PDXK: variants seen among roughly 807,000 people sequenced by gnomAD.
PDXK encodes the protein epididymis secretory sperm binding protein Li 1a.
In PDXK, 15 loss-of-function variants were observed where a neutral mutation model predicts 43.2. That is an observed-to-expected ratio of 0.35 (90% CI 0.23 to 0.53). The LOEUF (loss-of-function observed/expected upper bound fraction) is 0.53, where lower values mean the gene tolerates loss of function less well. Among genes scored for constraint, PDXK ranks in the 20% least tolerant of loss-of-function variants. The probability of loss-of-function intolerance (pLI) is 0.92; values close to 1 mark genes in which losing one functional copy is unlikely to be tolerated. For missense variants in PDXK, 343 were observed against 417.0 expected (o/e 0.82, Z 1.54); for synonymous variants, 172 against 165.4 (o/e 1.04, Z -0.31).
chr21:43,731,368 T>G (rs562153874), intron 1 of PDXK, among the ~76,000 whole-genome samples: 33 of 152,324 alleles, frequency 2.2e-4, no homozygotes, highest in Middle Eastern at 3.4e-3. Context: ...GGGAGAGAGA[T>G]CTCATCACAC....
chr21:43,738,015 GTGTC>G, intron 2 of PDXK: 1 of 985,484 alleles, frequency 1.0e-6, no homozygotes, highest in Non-Finnish European at 1.2e-6. Flanking sequence ...CCTGGGGCCT[GTGTC>G]TGAGACCCGG....
rs774974280 is a variant in PDXK at position 43,756,088 on chromosome 21, C to G, written c.*25C>G. The G allele has an allele frequency of 3.0e-6, 4 of 1,338,930 alleles. No individual in the cohort carries two copies. Among genetic ancestry groups the G allele is most frequent in the East Asian group, 4.8e-5 (2 of 42,098 alleles). The allele number at this position is 1,338,930 out of a possible 1,614,324, so 82.9% of individuals were successfully genotyped here. ...AGGGCCCCGCCGCTTGCCCGTGACACGCAGCGCGTTGGTGTCTCCGTGTTT... is the reference window on the plus strand; with the variant it reads ...AGGGCCCCGCCGCTTGCCCGTGACAGGCAGCGCGTTGGTGTCTCCGTGTTT... On this transcript the variant is annotated 3_prime_UTR_variant, in exon 11 of 11. Coordinates refer to ENST00000291565, the MANE Select transcript of PDXK (RefSeq NM_003681.5).
At chr21:43,733,351 G>A (rs901879493) in intron 1 of PDXK, among the ~76,000 whole-genome samples, 1 of 150,900 alleles carries the variant, frequency 6.6e-6, no homozygotes, top group Admixed American at 6.7e-5. Flanking sequence ...GTGGGACTCA[G>A]GGGTGGTTGG....
At position 43,752,506 on chromosome 21, in the gene PDXK, T is replaced by A; in HGVS notation, c.511-12T>A. On this transcript the variant is annotated splice_polypyrimidine_tract_variant and intron_variant, in intron 7 of 10. Transcript: ENST00000291565. ...GACCGGCCGTGGCTGACGCTCCCTG[T>A]GCCACTGCTAGGTGATGGACATGCT... 1 of 1,588,060 alleles carries A rather than the reference T, an allele frequency of 6.3e-7. No individual in the cohort carries two copies. The highest frequency in any genetic ancestry group is 2.2e-5 in the East Asian group (1 of 44,736).
chr21:43,749,915 A>G (rs2083704672), intron 6 of PDXK, among the ~76,000 whole-genome samples: 1 of 152,330 alleles, frequency 6.6e-6, no homozygotes, highest in South Asian at 2.1e-4. Flanking sequence ...ATCACACACC[A>G]GGGGAAGCCA....
intron 2 of PDXK, chr21:43,736,957 C>T (rs1445053298): frequency 2.8e-6 from 2 of 701,820 alleles, no homozygotes; most frequent in Non-Finnish European, 5.2e-6. Flanking sequence ...TTTTTAGAGA[C>T]AAGGTCGGTC....
chr21:43,732,543 C>T lies in PDXK; in HGVS notation c.88-1526C>T. ...CATTCTCGGATACGTTTGCCAGCCCCAAAGGATTAATTATCTACACACCCA... is the reference window on the plus strand; with the variant it reads ...CATTCTCGGATACGTTTGCCAGCCCTAAAGGATTAATTATCTACACACCCA... On this transcript the variant is annotated intron_variant, in intron 1 of 10. Coordinates refer to ENST00000291565, the MANE Select transcript of PDXK (RefSeq NM_003681.5). The surrounding 1 kb of genome is among the most constrained non-coding windows in gnomAD (Gnocchi z 4.1). The T allele has an allele frequency of 9.2e-7, 1 of 1,090,362 alleles. No individual in the cohort carries two copies. The highest frequency in any genetic ancestry group is 1.5e-5 in the African/African-American group (1 of 64,990). 67.5% of individuals were successfully genotyped at this position (1,090,362 alleles called of 1,614,324 possible). A position where few individuals can be genotyped will look rare whatever the true frequency, so the allele number is the denominator to read the frequency against.
At chr21:43,748,932 C>A in intron 5 of PDXK, 63 bp from the exon 6 acceptor site, 1 of 1,015,304 alleles carries the variant, frequency 9.8e-7, no homozygotes, top group Non-Finnish European at 1.5e-6. Context: ...CTTCCCTCCG[C>A]GCCCCCTGGC....
At chr21:43,726,528 G>A (rs986561182) in intron 1 of PDXK, among the ~76,000 whole-genome samples, 3 of 151,914 alleles carry the variant, frequency 2.0e-5, no homozygotes, top group East Asian at 1.9e-4. Context: ...TGCCCGCCTC[G>A]GCCTTCCAAA....
At chr21:43,743,939 T>C in intron 4 of PDXK, 132 bp downstream of exon 4, 1 of 681,922 alleles carries the variant, frequency 1.5e-6, no homozygotes, top group Non-Finnish European at 2.6e-6. Context: ...TCCGGGCCAG[T>C]GAATTGTGTC....
chr21:43,756,066 G>T lies in PDXK; in HGVS notation c.*3G>T. 6.3e-7 allele frequency: 1 copy of T among 1,577,380 alleles called. No individual in the cohort carries two copies. On this transcript the variant is annotated 3_prime_UTR_variant, in exon 11 of 11. Coordinates refer to ENST00000291565, the MANE Select transcript of PDXK (RefSeq NM_003681.5). ...TCGTCCAGGCCACGGTGCTGTGAGG[G>T]CCCCGCCGCTTGCCCGTGACACGCA...
chr21:43,753,085 C>T (rs1422253427), intron 8 of PDXK, among the ~76,000 whole-genome samples: 1 of 152,188 alleles, frequency 6.6e-6, no homozygotes, highest in Non-Finnish European at 1.5e-5. Context: ...ACATGGGAGC[C>T]TTGCAGGCAC....
intron 9 of PDXK, among the ~76,000 whole-genome samples, chr21:43,755,042 G>C (rs2083822071): frequency 1.3e-5 from 2 of 152,196 alleles, no homozygotes; most frequent in South Asian, 4.1e-4. Context: ...GGTGGTGCAG[G>C]GCAGTGGAAA....
At position 43,755,934 on chromosome 21, in the gene PDXK, C is replaced by G; in HGVS notation, c.827-17C>G. 2 of 1,587,798 alleles carry G rather than the reference C, an allele frequency of 1.3e-6. No individual in the cohort carries two copies. Among genetic ancestry groups the G allele is most frequent in the Non-Finnish European group, 8.6e-7 (1 of 1,159,248 alleles). On this transcript the variant is annotated splice_polypyrimidine_tract_variant and intron_variant, in intron 10 of 10. Coordinates refer to ENST00000291565, the MANE Select transcript of PDXK (RefSeq NM_003681.5). The stretch of plus-strand genomic sequence containing the variant: ...CCCTCTGAGATGGGAACTCAGTGCT[C>G]TCTGCCTGCCCCGCAGCCCAGGCCG...
chr21:43,724,681 GA>G (rs540983811), intron 1 of PDXK, among the ~76,000 whole-genome samples: 17,814 of 134,424 alleles, frequency 0.13, 1,193 homozygotes, highest in African/African-American at 0.2. Flanking sequence ...AGCTCTACAA[GA>G]AAAAAAAAAA....
At chr21:43,731,888 C>T (rs2083323020) in intron 1 of PDXK, among the ~76,000 whole-genome samples, 1 of 152,226 alleles carries the variant, frequency 6.6e-6, no homozygotes, top group African/African-American at 2.4e-5. Context: ...ATTGGCTCCA[C>T]ACAGCTGACC....
chr21:43,724,650 T>C (rs2083236131), intron 1 of PDXK, among the ~76,000 whole-genome samples: 2 of 148,736 alleles, frequency 1.3e-5, no homozygotes, highest in African/African-American at 5.0e-5. Flanking sequence ...GAGACCACCG[T>C]GGGCAACATA....
In PDXK at chr21:43,741,734, G is replaced by T. The variant is rs370677926; in HGVS notation, c.210G>T (p.Arg70Ser). ...TCCAGGAGTTGTACGAAGGCCTGAG[G>T]CTGAACAACATGAATAAATATGACT... is the stretch of plus-strand genomic sequence containing the variant. ...DELQELYEGL[R>S]LNNMNKYDYV... The change falls in exon 3 of 11, where the codon AGG (arginine) becomes AGT (serine). Residue 70 changes from arginine (R) to serine (S), a missense_variant. Arg to Ser is a moderately radical substitution (Grantham distance 110). Coordinates refer to ENST00000291565, the MANE Select transcript of PDXK (RefSeq NM_003681.5). 2.1e-5 allele frequency: 34 copies of T among 1,612,674 alleles called. No individual in the cohort carries two copies. The highest frequency in any genetic ancestry group is 1.6e-4 in the Middle Eastern group (1 of 6,078).
At chr21:43,755,607 T>G in intron 9 of PDXK, 91 bp from the exon 10 acceptor site, 1 of 1,101,700 alleles carries the variant, frequency 9.1e-7, no homozygotes, top group African/African-American at 1.5e-5. Flanking sequence ...AGGACGGCCC[T>G]TGTGTTCCCT....
Sources: allele counts gnomAD v4.1 joint callset (sites outside exome capture counted in the v4.1 genomes callset), GRCh38; gene constraint gnomAD v4.1.1; non-coding constraint Gnocchi (gnomAD v3.1); transcripts MANE v1.5; gene names NCBI Gene and HGNC (gene_info 2026-07-23, HGNC 2026-07-21).